Variants in TBX21 observed in about 807,000 individuals in gnomAD.
The protein encoded by TBX21 is T-box transcription factor 21.
In TBX21, 11 loss-of-function variants were observed where a neutral mutation model predicts 52.2. That is an observed-to-expected ratio of 0.21 (90% CI 0.13 to 0.35). TBX21 has a LOEUF of 0.35. TBX21 is among the 10% of genes least tolerant of loss of function. TBX21 has a pLI of 1.00. For missense variants in TBX21, 625 were observed against 755.1 expected (o/e 0.83, Z 2.02); for synonymous variants, 300 against 316.1 (o/e 0.95, Z 0.54).
At position 47,745,272 on chromosome 17, in the gene TBX21, A is replaced by G. The variant is rs2032320434; in HGVS notation, c.1514A>G (p.Tyr505Cys). 2 of 1,614,110 alleles carry G rather than the reference A, an allele frequency of 1.2e-6. No homozygotes were observed. Among genetic ancestry groups the G allele is most frequent in the Non-Finnish European group, 1.7e-6 (2 of 1,180,020 alleles). Residue 505 changes from tyrosine to cysteine, a missense_variant, in exon 6 of 6, where the codon TAT becomes TGT. Transcript: ENST00000177694. ...GDSKRRRVSPYPSSGDSSSPA... is the reference protein window; with the variant it reads ...GDSKRRRVSPCPSSGDSSSPA... ...TCTAAGAGGAGGCGCGTGTCCCCCT[A>G]TCCTTCCAGTGGTGACAGCTCCTCC...
rs886215842 is a variant in TBX21 at position 47,745,583 on chromosome 17, T to C, written c.*217T>C. On this transcript the variant is annotated 3_prime_UTR_variant, in exon 6 of 6. Transcript: ENST00000177694. ...CTGAGAGGGGTGTCCCCTTGCCCCATCCTCTGCCCTAACTACAGTCGTTTA... is the reference window on the plus strand; with the variant it reads ...CTGAGAGGGGTGTCCCCTTGCCCCACCCTCTGCCCTAACTACAGTCGTTTA... 3 of 566,766 alleles carry C rather than the reference T, an allele frequency of 5.3e-6. No individual in the cohort carries two copies. The African/African-American group carries it at 5.6e-5, about 11-fold the overall frequency. 35.1% of individuals were successfully genotyped at this position (566,766 alleles called of 1,614,324 possible).
At position 47,744,736 on chromosome 17, in the gene TBX21, A is replaced by AT. The variant is rs1385294829; in HGVS notation, c.990-5dup. On this transcript the variant is annotated splice_polypyrimidine_tract_variant and intron_variant, in intron 5 of 5. Coordinates refer to ENST00000177694, the MANE Select transcript of TBX21 (RefSeq NM_013351.2). ...CTTGTGACCCGTTTTCTTGCCTTCT[A>AT]TTTTTTTCTAGCATGTACACATCTG... 3.7e-6 allele frequency: 6 copies of AT among 1,603,344 alleles called. No individual in the cohort carries two copies. The highest frequency in any genetic ancestry group is 1.7e-5 in the Admixed American group (1 of 58,982).
intron 3 of TBX21, among the ~76,000 whole-genome samples, chr17:47,743,557 G>A (rs1473378121): frequency 2.0e-5 from 3 of 152,126 alleles, no homozygotes; most frequent in South Asian, 4.1e-4. Context: ...AATAGATGCC[G>A]AGTTTCTCTA....
Position 47,744,249 on chromosome 17 carries a change from G to A in TBX21, c.823G>A (p.Val275Met). Residue 275 changes from valine to methionine, a missense_variant, in exon 4 of 6, where the codon GTG becomes ATG. This residue lies in a region of TBX21 where 142 missense variants were observed against 258.5 expected (regional missense o/e 0.55). Transcript: ENST00000177694. ...KYQPRLHIVE[V>M]NDGEPEAACN... Reference sequence around the variant, plus strand: ...CCAGCCCCGGCTGCATATCGTTGAGGTGAACGACGGAGAGCCAGAGGCAGC... The same window carrying A: ...CCAGCCCCGGCTGCATATCGTTGAGATGAACGACGGAGAGCCAGAGGCAGC... 6.2e-7 allele frequency: 1 copy of A among 1,614,222 alleles called. No homozygotes were observed. The highest frequency in any genetic ancestry group is 8.5e-7 in the Non-Finnish European group (1 of 1,180,044).
intron 1 of TBX21, among the ~76,000 whole-genome samples, chr17:47,734,422 C>G (rs1471910967): frequency 6.6e-6 from 1 of 151,942 alleles, no homozygotes; most frequent in Non-Finnish European, 1.5e-5. Flanking sequence ...GTGCTCAGGT[C>G]AGCTTTAGTG....
intron 1 of TBX21, among the ~76,000 whole-genome samples, chr17:47,741,909 C>T (rs532653436): frequency 7.2e-5 from 11 of 152,186 alleles, no homozygotes; most frequent in South Asian, 6.2e-4. Flanking sequence ...TGATTTCAAG[C>T]GACTCATGTG....
chr17:47,736,008 A>G (rs973973555), intron 1 of TBX21, among the ~76,000 whole-genome samples: 1 of 152,176 alleles, frequency 6.6e-6, no homozygotes, highest in African/African-American at 2.4e-5. Context: ...CTCTGCCTGT[A>G]GAGCCAGCTT....
At position 47,742,993 on chromosome 17, in the gene TBX21, C is replaced by G. The variant is rs940915144; in HGVS notation, c.647-78C>G. 2 of 1,579,776 alleles carry G rather than the reference C, an allele frequency of 1.3e-6. No homozygotes were observed. The highest frequency in any genetic ancestry group is 4.5e-5 in the East Asian group (2 of 44,616). On this transcript the variant is annotated intron_variant, in intron 2 of 5. Transcript: ENST00000177694. This position sits in a 1 kb window ranked among gnomAD's most constrained non-coding sequence, Gnocchi z 4.4. ...TCCCCCTGTGTCCTTCCTTACGTCCCTCTCGGGACAGGCAAAGCCCTACAT... is the reference window on the plus strand; with the variant it reads ...TCCCCCTGTGTCCTTCCTTACGTCCGTCTCGGGACAGGCAAAGCCCTACAT...
chr17:47,736,976 C>T lies in TBX21; in HGVS notation c.491+3031C>T, dbSNP rs575468244. Among the ~76,000 whole-genome samples the T allele has an allele frequency of 1.3e-4, 20 of 152,304 alleles. No individual in the cohort carries two copies. In the East Asian group the frequency reaches 1.3e-3, roughly 10 times the overall value. ...TCCCACCCACCCTGGATCTATCCCTCGGTATTGACCAGCGCCAGTGGCATG... is the reference window on the plus strand; with the variant it reads ...TCCCACCCACCCTGGATCTATCCCTTGGTATTGACCAGCGCCAGTGGCATG... On this transcript the variant is annotated intron_variant, in intron 1 of 5. Transcript: ENST00000177694.
intron 1 of TBX21, among the ~76,000 whole-genome samples, chr17:47,739,962 C>A (rs1237394461): frequency 6.6e-6 from 1 of 152,044 alleles, no homozygotes; most frequent in Non-Finnish European, 1.5e-5. Context: ...GCACAGCATG[C>A]ACTCTGCAGT....
At chr17:47,735,859 A>C (rs11079787) in intron 1 of TBX21, among the ~76,000 whole-genome samples, 63,396 of 152,058 alleles carry the variant, frequency 0.42, 13,477 homozygotes, top group Middle Eastern at 0.49. Context: ...GGTCAGGAGG[A>C]CTTCCCACCC....
rs2032279013 is a variant in TBX21 at position 47,742,606 on chromosome 17, C to A, written c.492-4C>A. On this transcript the variant is annotated splice_polypyrimidine_tract_variant and splice_region_variant and intron_variant, in intron 1 of 5. Coordinates refer to ENST00000177694, the MANE Select transcript of TBX21 (RefSeq NM_013351.2). The surrounding 1 kb of genome is among the most constrained non-coding windows in gnomAD (Gnocchi z 4.4). ...GTGCTGGGGGCTTTCTCTCTTCTCTCCAGGCGGATGTTCCCATTCCTGTCA... is the reference window on the plus strand; with the variant it reads ...GTGCTGGGGGCTTTCTCTCTTCTCTACAGGCGGATGTTCCCATTCCTGTCA... 6.3e-7 allele frequency: 1 copy of A among 1,598,026 alleles called. No individual in the cohort carries two copies. Among genetic ancestry groups the A allele is most frequent in the South Asian group, 1.1e-5 (1 of 88,430 alleles).
Position 47,745,494 on chromosome 17 carries a change from TG to T in TBX21, c.*132del, listed in dbSNP as rs2032324009. On this transcript the variant is annotated 3_prime_UTR_variant, in exon 6 of 6. Transcript: ENST00000177694. ...GGCCCTTCTCTGTTTAGTAGTTGGTTGGGGAAGTGGGGCTCAAGAAGGATTT... is the reference window on the plus strand; with the variant it reads ...GGCCCTTCTCTGTTTAGTAGTTGGTTGGGAAGTGGGGCTCAAGAAGGATTT... The T allele has an allele frequency of 1.5e-6, 2 of 1,337,052 alleles. No individual in the cohort carries two copies. The highest frequency in any genetic ancestry group is 4.7e-5 in the East Asian group (2 of 42,386). 82.8% of individuals were successfully genotyped at this position (1,337,052 alleles called of 1,614,324 possible).
chr17:47,744,027 A>G (rs927773605), intron 3 of TBX21, among the ~76,000 whole-genome samples, 168 bp from the exon 4 acceptor site: 6 of 152,188 alleles, frequency 3.9e-5, no homozygotes, highest in Non-Finnish European at 5.9e-5. Context: ...GAGTCCGGAC[A>G]CTGGAGTTGG....
At position 47,733,915 on chromosome 17, in the gene TBX21, A is replaced by T. The variant is rs1350899412; in HGVS notation, c.461A>T (p.Gln154Leu). 1 of 1,613,664 alleles carries T rather than the reference A, an allele frequency of 6.2e-7. No homozygotes were observed. Among genetic ancestry groups the T allele is most frequent in the Non-Finnish European group, 8.5e-7 (1 of 1,179,838 alleles). The change falls in exon 1 of 6, where the codon CAG becomes CTG. Residue 154 changes from glutamine (Q) to leucine (L), a missense_variant. Gln to Leu is a moderately radical substitution (Grantham distance 113). Coordinates refer to ENST00000177694, the MANE Select transcript of TBX21 (RefSeq NM_013351.2). This position sits in a 1 kb window ranked among gnomAD's most constrained non-coding sequence, Gnocchi z 6.6. ...HLLWSKFNQH[Q>L]TEMIITKQGR... ...TTGTGGTCCAAGTTTAATCAGCACC[A>T]GACAGAGATGATCATCACCAAGCAG...
chr17:47,745,284 G>A lies in TBX21; in HGVS notation c.1526G>A (p.Gly509Asp), dbSNP rs768773138. The change falls in exon 6 of 6, where the codon GGT becomes GAT. Residue 509 changes from glycine (G) to aspartate (D), a missense_variant. Physicochemically the swap from Gly to Asp is moderately conservative, Grantham distance 94. Coordinates refer to ENST00000177694, the MANE Select transcript of TBX21 (RefSeq NM_013351.2). ...CGCGTGTCCCCCTATCCTTCCAGTG[G>A]TGACAGCTCCTCCCCTGCTGGGGCC... ...RRRVSPYPSS[G>D]DSSSPAGAPS... 7.4e-6 allele frequency: 12 copies of A among 1,614,138 alleles called. No individual in the cohort carries two copies. Among genetic ancestry groups the A allele is most frequent in the African/African-American group, 1.3e-5 (1 of 74,946 alleles).
chr17:47,742,528 T>C lies in TBX21; in HGVS notation c.492-82T>C, dbSNP rs560660860. ...GAGGAAGCCGGCTACAGCACACCAC[T>C]GATGCCTGGGCACTGTTGCAGGGGG... On this transcript the variant is annotated intron_variant, in intron 1 of 5. Transcript: ENST00000177694. The surrounding 1 kb of genome is among the most constrained non-coding windows in gnomAD (Gnocchi z 4.4). The C allele has an allele frequency of 1.4e-5, 20 of 1,468,612 alleles. No individual in the cohort carries two copies. In the South Asian group the frequency reaches 2.8e-4, roughly 21 times the overall value. The allele number at this position is 1,468,612 out of a possible 1,614,324, so 91.0% of individuals were successfully genotyped here.
rs1337658345 is a variant in TBX21 at position 47,733,531 on chromosome 17, C to T, written c.77C>T (p.Ala26Val). 19 of 1,491,438 alleles carry T rather than the reference C, an allele frequency of 1.3e-5. No individual in the cohort carries two copies. Among genetic ancestry groups the T allele is most frequent in the African/African-American group, 1.2e-4 (8 of 68,572 alleles). The allele number at this position is 1,491,438 out of a possible 1,614,324, so 92.4% of individuals were successfully genotyped here. ...EPMPGSDEGRAPGADPQHRYF... is the reference protein window; with the variant it reads ...EPMPGSDEGRVPGADPQHRYF... The stretch of plus-strand genomic sequence containing the variant: ...ATGCCGGGGAGCGACGAGGGCCGGG[C>T]GCCTGGCGCCGACCCGCAGCACCGC... Residue 26 changes from alanine (A) to valine (V), a missense_variant, in exon 1 of 6, where the codon GCG becomes GTG. By Grantham distance (64) the Ala-to-Val change is moderately conservative. Transcript: ENST00000177694. The surrounding 1 kb of genome is among the most constrained non-coding windows in gnomAD (Gnocchi z 6.6).
Position 47,743,132 on chromosome 17 carries a change from A to G in TBX21, c.708A>G (p.Glu236=). ...PNTGAHWMRQ[E]VSFGKLKLTN... The stretch of plus-strand genomic sequence containing the variant: ...CAGGAGCGCACTGGATGCGCCAGGA[A>G]GTTTCATTTGGGAAACTAAAGCTCA... Residue 236 remains glutamate (E), a synonymous_variant, in exon 3 of 6, where the codon GAA becomes GAG. Transcript: ENST00000177694. The G allele has an allele frequency of 1.2e-6, 2 of 1,614,188 alleles. No homozygotes were observed. Among genetic ancestry groups the G allele is most frequent in the South Asian group, 2.2e-5 (2 of 91,090 alleles).
Sources: allele counts gnomAD v4.1 joint callset (sites outside exome capture counted in the v4.1 genomes callset), GRCh38; gene constraint gnomAD v4.1.1; regional missense constraint gnomAD v4.1.1; non-coding constraint Gnocchi (gnomAD v3.1); transcripts MANE v1.5; gene names NCBI Gene and HGNC (gene_info 2026-07-23, HGNC 2026-07-21).